The following KCNT1 variants were observed in gnomAD, a reference collection of about 807,000 sequenced individuals.
The protein encoded by KCNT1 is potassium channel subfamily T member 1.
Under a neutral mutation model 147.8 loss-of-function variants are expected in KCNT1, and 78 were observed. The observed-to-expected ratio is 0.53, with a 90% CI of 0.44 to 0.64. The LOEUF is 0.64. Among genes scored for constraint, KCNT1 ranks in the 30% least tolerant of loss-of-function variants. The probability of loss-of-function intolerance (pLI) is 0.00; values close to 1 mark genes in which losing one functional copy is unlikely to be tolerated. For synonymous variants in KCNT1, 867 were observed against 748.8 expected (o/e 1.16, Z -2.58); for missense variants, 1,419 against 1,750.3 (o/e 0.81, Z 3.38).
chr9:135,702,363 C>T lies in KCNT1; in HGVS notation c.105C>T (p.Ala35=), dbSNP rs1835067925. The T allele has an allele frequency of 2.5e-6, 4 of 1,610,346 alleles. No individual in the cohort carries two copies. Among genetic ancestry groups the T allele is most frequent in the African/African-American group, 2.7e-5 (2 of 74,872 alleles). ...TCGAGTTTGACGACGGCCAATGCGCCCCCAGGTACAGTCTGCTGCGCCCTC... is the reference window on the plus strand; with the variant it reads ...TCGAGTTTGACGACGGCCAATGCGCTCCCAGGTACAGTCTGCTGCGCCCTC... The part of the protein sequence containing the change: ...RTFEFDDGQC[A]PRRPCAGDGA... The change falls in exon 1 of 31, where the codon GCC becomes GCT. Residue 35 remains alanine, a synonymous_variant. Transcript: ENST00000371757.
rs371158562 is a variant in KCNT1 at position 135,724,815 on chromosome 9, C to T, written c.254+10095C>T. 1.2e-3 allele frequency among the ~76,000 whole-genome samples: 190 copies of T among 152,354 alleles called. 2 individuals carry two copies. The highest frequency in any genetic ancestry group is 4.3e-3 in the African/African-American group (178 of 41,584). On this transcript the variant is annotated intron_variant, in intron 2 of 30. Coordinates refer to ENST00000371757, the MANE Select transcript of KCNT1 (RefSeq NM_020822.3). The stretch of plus-strand genomic sequence containing the variant: ...GCCCAACATGAAGGCCCCGGCCACC[C>T]ACCTGGATTGGAGCTTCCTCCGCCC...
intron 13 of KCNT1, among the ~76,000 whole-genome samples, chr9:135,766,449 G>A (rs190568389): frequency 6.6e-6 from 1 of 152,038 alleles, no homozygotes; most frequent in African/African-American, 2.4e-5. Flanking sequence ...GGTCCTCTGG[G>A]GTAGATCATC....
In KCNT1 at chr9:135,777,517, C is replaced by T; in HGVS notation, c.2522+7C>T. ...TGCTGCTGCTGGACAACAAGTGAGG[C>T]TCCTGGGGCTCAGCCCACCCCGCCC... is the stretch of plus-strand genomic sequence containing the variant. On this transcript the variant is annotated splice_region_variant and intron_variant, in intron 21 of 30. Coordinates refer to ENST00000371757, the MANE Select transcript of KCNT1 (RefSeq NM_020822.3). The T allele has an allele frequency of 6.2e-7, 1 of 1,611,296 alleles. No homozygotes were observed. The highest frequency in any genetic ancestry group is 1.1e-5 in the South Asian group (1 of 90,874).
intron 2 of KCNT1, among the ~76,000 whole-genome samples, chr9:135,744,516 G>T (rs1010346534): frequency 6.6e-6 from 1 of 152,218 alleles, no homozygotes; most frequent in South Asian, 2.1e-4. Flanking sequence ...CCCTGCTGCC[G>T]CTACAGGGAG....
At chr9:135,732,564 C>G (rs1249776785) in intron 2 of KCNT1, among the ~76,000 whole-genome samples, 1 of 152,134 alleles carries the variant, frequency 6.6e-6, no homozygotes, top group South Asian at 2.1e-4. Flanking sequence ...TTCTGGAGTT[C>G]TGTGGTCTCC....
Position 135,745,558 on chromosome 9 carries a change from C to A in KCNT1, c.255-4540C>A, listed in dbSNP as rs181885000. 3.2e-3 allele frequency among the ~76,000 whole-genome samples: 483 copies of A among 152,344 alleles called. 3 individuals are homozygous for A. Among genetic ancestry groups the A allele is most frequent in the African/African-American group, 0.011 (452 of 41,570 alleles). ...ACGGGTGCTGGCCCCCAGATGAGCA[C>A]CGGGGCAGCCTCTCAATGGAGCCTG... On this transcript the variant is annotated intron_variant, in intron 2 of 30. Coordinates refer to ENST00000371757, the MANE Select transcript of KCNT1 (RefSeq NM_020822.3).
rs564687156 is a variant in KCNT1, at chr9:135,746,673, A to G, written c.255-3425A>G. Among the ~76,000 whole-genome samples the G allele has an allele frequency of 3.9e-5, 6 of 152,234 alleles. No individual in the cohort carries two copies. The South Asian group carries it at 1.2e-3, about 32-fold the overall frequency. The stretch of plus-strand genomic sequence containing the variant: ...TCCACGGGGAGGTAAAGGGAGGAGC[A>G]GGAGCTCCTTGGAGGCCTATGACCG... On this transcript the variant is annotated intron_variant, in intron 2 of 30. Transcript: ENST00000371757.
At chr9:135,721,201 C>CTCG (rs1835909436) in intron 2 of KCNT1, among the ~76,000 whole-genome samples, 2 of 152,196 alleles carry the variant, frequency 1.3e-5, no homozygotes, top group Non-Finnish European at 2.9e-5. Context: ...CAGCCCCAGC[C>CTCG]TCGAAGCCAC....
intron 2 of KCNT1, among the ~76,000 whole-genome samples, chr9:135,720,249 CAG>C (rs1011199314): frequency 2.6e-5 from 4 of 152,010 alleles, no homozygotes; most frequent in African/African-American, 7.2e-5. Context: ...TAGCTGGGAA[CAG>C]AGAGAGGCTT....
chr9:135,786,164 C>A, intron 28 of KCNT1, 33 bp from the exon 29 acceptor site: 1 of 1,550,564 alleles, frequency 6.4e-7, no homozygotes, highest in Non-Finnish European at 8.7e-7. Flanking sequence ...CAGCCTCACC[C>A]CTCCCCGCCC....
intron 10 of KCNT1, 71 bp from the exon 11 acceptor site, chr9:135,759,608 C>T (rs1175829517): frequency 2.0e-6 from 3 of 1,497,404 alleles, no homozygotes; most frequent in Non-Finnish European, 2.7e-6. Flanking sequence ...CGTGGGCAGG[C>T]AGGATCTCTG....
chr9:135,741,241 A>G (rs1156270342), intron 2 of KCNT1, among the ~76,000 whole-genome samples: 1 of 152,198 alleles, frequency 6.6e-6, no homozygotes, highest in Non-Finnish European at 1.5e-5. Context: ...ACACTCAGCT[A>G]GGGCTATATC....
At chr9:135,764,080 C>A (rs10125031) in intron 11 of KCNT1, among the ~76,000 whole-genome samples, 34,915 of 152,084 alleles carry the variant, frequency 0.23, 4,151 homozygotes, top group Middle Eastern at 0.34. Context: ...AAGTGCAATG[C>A]GATGGTCCCA....
rs1834731234 is a variant in KCNT1, at chr9:135,794,903, T to G, written c.*2742T>G. The G allele has an allele frequency of 6.6e-6, 1 of 152,238 alleles. No individual in the cohort carries two copies. Among genetic ancestry groups the G allele is most frequent in the African/African-American group, 2.4e-5 (1 of 41,434 alleles). The allele number at this position is 152,238 out of a possible 1,614,324, so 9.4% of individuals were successfully genotyped here. On this transcript the variant is annotated 3_prime_UTR_variant, in exon 31 of 31. Coordinates refer to ENST00000371757, the MANE Select transcript of KCNT1 (RefSeq NM_020822.3). The stretch of plus-strand genomic sequence containing the variant: ...TCCACCATCACTTCTCCCAGCCTCG[T>G]GTCCTGCTGACCCATAAAAGGTCCC...
chr9:135,758,493 G>A lies in KCNT1; in HGVS notation c.839G>A (p.Cys280Tyr), dbSNP rs1160972448. ...CTCATCCTCTTCTGCACCCTGCTGT[G>A]CCTCGTTTTCACGGGGTGAGTGCCG... ...QVLILFCTLL[C>Y]LVFTGTCGIQ... The change falls in exon 10 of 31, where the codon TGC becomes TAC. Residue 280 changes from cysteine to tyrosine, a missense_variant. Cys to Tyr is a radical substitution (Grantham distance 194). This residue lies in a region of KCNT1 where 401 missense variants were observed against 610.6 expected (regional missense o/e 0.66). Transcript: ENST00000371757. 1.2e-6 allele frequency: 2 copies of A among 1,613,564 alleles called. No individual in the cohort carries two copies. The highest frequency in any genetic ancestry group is 1.7e-6 in the Non-Finnish European group (2 of 1,179,922).
At chr9:135,781,207 C>T (rs1833585621) in intron 24 of KCNT1, among the ~76,000 whole-genome samples, 1 of 152,212 alleles carries the variant, frequency 6.6e-6, no homozygotes, top group Non-Finnish European at 1.5e-5. Flanking sequence ...GTGACAGGGA[C>T]CAAGGAGAAA....
intron 2 of KCNT1, among the ~76,000 whole-genome samples, chr9:135,719,292 C>T (rs961198313): frequency 9.9e-5 from 15 of 152,216 alleles, no homozygotes; most frequent in African/African-American, 2.9e-4. Context: ...GAGGAGCCAG[C>T]GGGACAGGGG....
At chr9:135,780,637 C>G (rs1833543978) in intron 24 of KCNT1, among the ~76,000 whole-genome samples, 3 of 152,322 alleles carry the variant, frequency 2.0e-5, no homozygotes, top group Middle Eastern at 3.4e-3. Context: ...CACCTGGTCT[C>G]AGCACAGGAG....
Position 135,757,316 on chromosome 9 carries a change from C to A in KCNT1, c.694C>A (p.Arg232=). The stretch of plus-strand genomic sequence containing the variant: ...TTCACAGATCTTCTGGCCGCCGCTG[C>A]GGAACCTGTTCATCCCCGTCTTTCT... ...FIITIFWPPL[R]NLFIPVFLNC... Residue 232 remains arginine, a synonymous_variant, in exon 9 of 31, where the codon CGG becomes AGG. Coordinates refer to ENST00000371757, the MANE Select transcript of KCNT1 (RefSeq NM_020822.3). 1.2e-6 allele frequency: 2 copies of A among 1,612,196 alleles called. No individual in the cohort carries two copies. Among genetic ancestry groups the A allele is most frequent in the Non-Finnish European group, 1.7e-6 (2 of 1,179,972 alleles).
Sources: allele counts gnomAD v4.1 joint callset (sites outside exome capture counted in the v4.1 genomes callset), GRCh38; gene constraint gnomAD v4.1.1; regional missense constraint gnomAD v4.1.1; transcripts MANE v1.5; gene names NCBI Gene and HGNC (gene_info 2026-07-23, HGNC 2026-07-21).